GRK1: variants seen among roughly 807,000 people sequenced by gnomAD.
GRK1 encodes G protein-coupled receptor kinase 1.
In GRK1, 28 loss-of-function variants were observed where a neutral mutation model predicts 41.7. The ratio of observed to expected loss-of-function variants is 0.67; its 90% CI spans 0.50 to 0.92. GRK1 has a LOEUF of 0.92. Among genes scored for constraint, GRK1 ranks in the 40% least tolerant of loss-of-function variants. The pLI is 0.00. For missense variants in GRK1, 703 were observed against 671.2 expected, an observed-to-expected ratio of 1.05 and a Z score of -0.52; for synonymous variants, 327 against 286.7, an observed-to-expected ratio of 1.14 and a Z score of -1.42.
At chr13:113,652,958 T>A in the GRK1 span, 1 of 1,614,188 alleles carries the variant, frequency 6.2e-7, no homozygotes, top group Non-Finnish European at 8.5e-7. Context: ...CTGCAGCATA[T>A]CTGCCGTGAA....
chr13:113,664,593 C>T (rs567184453), upstream of GRK1, among the ~76,000 whole-genome samples: 5 of 152,260 alleles, frequency 3.3e-5, no homozygotes, highest in East Asian at 1.9e-4. This position sits in a 1 kb window ranked among gnomAD's most constrained non-coding sequence, Gnocchi z 5.4. Context: ...TTTAACCGAA[C>T]GCTTCCCAAC....
intron 4 of GRK1, among the ~76,000 whole-genome samples, chr13:113,729,794 C>T (rs1360628569): frequency 3.3e-5 from 5 of 151,814 alleles, no homozygotes; most frequent in African/African-American, 7.3e-5. Context: ...CAGACCCACC[C>T]CTCCATCCCG....
Position 113,667,538 on chromosome 13 carries a change from G to A in GRK1, c.152G>A (p.Arg51His), listed in dbSNP as rs758788971. The A allele has an allele frequency of 6.2e-6, 10 of 1,613,382 alleles. No homozygotes were observed. The highest frequency in any genetic ancestry group is 5.3e-5 in the African/African-American group (4 of 74,922). The change falls in exon 1 of 7, where the codon CGC becomes CAC. Residue 51 changes from arginine (R) to histidine (H), a missense_variant. Transcript: ENST00000335678. The surrounding 1 kb of genome is among the most constrained non-coding windows in gnomAD (Gnocchi z 7.5). ...CCGCTGTCCAAGTGTGAGTCCCTCC[G>A]CGACAGCCTCAGCCTGGAGTTTGAG... ...LPPLSKCESL[R>H]DSLSLEFESV...
chr13:113,655,619 G>A, the GRK1 span, among the ~76,000 whole-genome samples: 1 of 152,236 alleles, frequency 6.6e-6, no homozygotes, highest in African/African-American at 2.4e-5. Flanking sequence ...GCGACTGCCT[G>A]TGTGCTGTCT....
chr13:113,723,978 A>C (rs1012581621), intron 4 of GRK1, among the ~76,000 whole-genome samples: 3 of 151,916 alleles, frequency 2.0e-5, no homozygotes, highest in Admixed American at 6.5e-5. Context: ...CTGTGTATGC[A>C]TGCCCGGGTC....
At chr13:113,657,307 A>G in the GRK1 span, among the ~76,000 whole-genome samples, 2 of 152,160 alleles carry the variant, frequency 1.3e-5, no homozygotes, top group African/African-American at 4.8e-5. Flanking sequence ...CCCGACGCCC[A>G]GGGGTCGCAG....
the GRK1 span, chr13:113,649,573 A>G: frequency 4.8e-6 from 7 of 1,453,712 alleles, no homozygotes; most frequent in Middle Eastern, 1.0e-3. The surrounding 1 kb of genome is among the most constrained non-coding windows in gnomAD (Gnocchi z 4.7). Context: ...TGTTTCAAAA[A>G]TCTCTGAAGT....
rs1466037329 is a variant in GRK1 at position 113,671,292 on chromosome 13, A to G, written c.828-207A>G. 6.6e-6 allele frequency among the ~76,000 whole-genome samples: 1 copy of G among 152,142 alleles called. No homozygotes were observed. Among genetic ancestry groups the G allele is most frequent in the East Asian group, 1.9e-4 (1 of 5,178 alleles). On this transcript the variant is annotated intron_variant, in intron 2 of 6. Transcript: ENST00000335678. The surrounding 1 kb of genome is among the most constrained non-coding windows in gnomAD (Gnocchi z 4.1). ...ACGTGGACAGCACTTTCTCCCTGTT[A>G]GCAGTTGGGGTTCAGGGTCCCTGAG...
Position 113,667,530 on chromosome 13 carries a change from G to A in GRK1, c.144G>A (p.Glu48=). 1 of 1,613,428 alleles carries A rather than the reference G, an allele frequency of 6.2e-7. No homozygotes were observed. Among genetic ancestry groups the A allele is most frequent in the Non-Finnish European group, 8.5e-7 (1 of 1,179,868 alleles). The change falls in exon 1 of 7, where the codon GAG becomes GAA. Residue 48 remains glutamate (E), a synonymous_variant. Transcript: ENST00000335678. This position sits in a 1 kb window ranked among gnomAD's most constrained non-coding sequence, Gnocchi z 7.5. ...KLKLPPLSKC[E]SLRDSLSLEF... The stretch of plus-strand genomic sequence containing the variant: ...AGCTGCCCCCGCTGTCCAAGTGTGA[G>A]TCCCTCCGCGACAGCCTCAGCCTGG...
rs1351570423 is a variant in GRK1 at position 113,731,144 on chromosome 13, A to T, written c.1070-75A>T. 6.7e-7 allele frequency: 1 copy of T among 1,495,318 alleles called. No individual in the cohort carries two copies. The highest frequency in any genetic ancestry group is 1.4e-5 in the African/African-American group (1 of 72,114). The allele number at this position is 1,495,318 out of a possible 1,614,324, so 92.6% of individuals were successfully genotyped here. On this transcript the variant is annotated intron_variant, in intron 4 of 6. Transcript: ENST00000335678. The surrounding 1 kb of genome is among the most constrained non-coding windows in gnomAD (Gnocchi z 5.6). ...GGGGGGGATGCATCCCCAGAGCATC[A>T]GTCCTGCGATTCCTGGAGTGCGTGC...
chr13:113,723,845 T>TGTGC (rs1491540277), intron 4 of GRK1, among the ~76,000 whole-genome samples: 2 of 151,768 alleles, frequency 1.3e-5, no homozygotes. Context: ...TGCACACGTG[T>TGTGC]CTGTGTGCCT....
chr13:113,729,606 C>A (rs1261837761), intron 4 of GRK1, among the ~76,000 whole-genome samples: 1 of 152,216 alleles, frequency 6.6e-6, no homozygotes, highest in Non-Finnish European at 1.5e-5. Flanking sequence ...AGCCCTGAAG[C>A]TGCACAGAAC....
chr13:113,655,662 G>A, the GRK1 span, among the ~76,000 whole-genome samples: 1 of 152,156 alleles, frequency 6.6e-6, no homozygotes, highest in African/African-American at 2.4e-5. Context: ...GTGGATCGCA[G>A]GAGGCATTTG....
Position 113,731,044 on chromosome 13 carries a change from G to A in GRK1, c.1070-175G>A. 6.5e-6 allele frequency: 3 copies of A among 462,258 alleles called. No homozygotes were observed. The highest frequency in any genetic ancestry group is 8.5e-6 in the Non-Finnish European group (3 of 352,128). The allele number at this position is 462,258 out of a possible 1,614,324, so 28.6% of individuals were successfully genotyped here. On this transcript the variant is annotated intron_variant, in intron 4 of 6. Transcript: ENST00000335678. The surrounding 1 kb of genome is among the most constrained non-coding windows in gnomAD (Gnocchi z 5.6). ...ACAGGCAGAGTCTGGGGTGCTGCTTGGCACCCAGTAACACACAGGGCAGCC... is the reference window on the plus strand; with the variant it reads ...ACAGGCAGAGTCTGGGGTGCTGCTTAGCACCCAGTAACACACAGGGCAGCC...
upstream of GRK1, among the ~76,000 whole-genome samples, chr13:113,662,432 A>C (rs1429233469): frequency 1.3e-5 from 2 of 152,250 alleles, no homozygotes; most frequent in African/African-American, 4.8e-5. Flanking sequence ...CCAACATTGT[A>C]CTGGAAGTTC....
At chr13:113,668,583 T>C (rs2140717031) in intron 1 of GRK1, among the ~76,000 whole-genome samples, 1 of 152,344 alleles carries the variant, frequency 6.6e-6, no homozygotes, top group Non-Finnish European at 1.5e-5. Context: ...ACTGTTCCCC[T>C]GAGTGTGCTG....
chr13:113,733,681 A>ATG (rs2049961468), intron 6 of GRK1, among the ~76,000 whole-genome samples: 2 of 87,550 alleles, frequency 2.3e-5, no homozygotes, highest in African/African-American at 6.0e-5. Context: ...ACGTGTGTGC[A>ATG]TGTATGTGTG....
At chr13:113,651,130 C>G in the GRK1 span, among the ~76,000 whole-genome samples, 2 of 151,582 alleles carry the variant, frequency 1.3e-5, no homozygotes, top group African/African-American at 2.4e-5. Context: ...GGTAATGGAA[C>G]CACGCTGTGA....
intron 5 of GRK1, among the ~76,000 whole-genome samples, chr13:113,732,133 C>A (rs139245766): frequency 6.6e-6 from 1 of 152,156 alleles, no homozygotes; most frequent in Admixed American, 6.5e-5. Context: ...TCTCGTTGGA[C>A]GGAGGGGGTG....
Sources: allele counts gnomAD v4.1 joint callset (sites outside exome capture counted in the v4.1 genomes callset), GRCh38; gene constraint gnomAD v4.1.1; non-coding constraint Gnocchi (gnomAD v3.1); transcripts MANE v1.5; gene names NCBI Gene and HGNC (gene_info 2026-07-23, HGNC 2026-07-21).